PBX3: variants seen among roughly 807,000 people sequenced by gnomAD.
PBX3 encodes the protein PBX homeobox 3.
A neutral mutation model predicts 48.5 loss-of-function variants in PBX3; 14 were observed. The observed-to-expected ratio is 0.29, with a 90% CI of 0.19 to 0.45. The LOEUF is 0.45. Among genes scored for constraint, PBX3 ranks in the 20% least tolerant of loss-of-function variants. The pLI is 1.00. For synonymous variants in PBX3, 210 were observed against 200.3 expected (o/e 1.05, Z -0.41); for missense variants, 386 against 546.7 (o/e 0.71, Z 2.93).
intron 5 of PBX3, among the ~76,000 whole-genome samples, chr9:125,938,813 G>A (rs959187576): frequency 1.8e-4 from 27 of 152,236 alleles, no homozygotes; most frequent in African/African-American, 6.0e-4. Flanking sequence ...AGATATTATT[G>A]GGTTAAATTT....
In PBX3 at chr9:125,752,543, G is replaced by T. The variant is rs186035744; in HGVS notation, c.274+3920G>T. Among the ~76,000 whole-genome samples the T allele has an allele frequency of 2.0e-5, 3 of 152,154 alleles. No individual in the cohort carries two copies. The East Asian group carries it at 5.8e-4, about 29-fold the overall frequency. ...ATCTTTATTGCTAGAAGTGTGACTA[G>T]CTTTCAAAGAGACAAGGCAGTACTG... On this transcript the variant is annotated intron_variant, in intron 2 of 8. Coordinates refer to ENST00000373489, the MANE Select transcript of PBX3 (RefSeq NM_006195.6).
chr9:125,873,264 T>C (rs563091601), intron 2 of PBX3, among the ~76,000 whole-genome samples: 2 of 152,100 alleles, frequency 1.3e-5, no homozygotes, highest in African/African-American at 4.8e-5. Context: ...TGGGGAGATT[T>C]ATCATATCCC....
chr9:125,861,282 A>G (rs10986991), intron 2 of PBX3, among the ~76,000 whole-genome samples: 8,966 of 152,072 alleles, frequency 0.059, 602 homozygotes, highest in East Asian at 0.17. Context: ...CTGGGTGATA[A>G]AGTGAGACCC....
chr9:125,772,237 A>T (rs1836959155), intron 2 of PBX3, among the ~76,000 whole-genome samples: 2 of 150,564 alleles, frequency 1.3e-5, no homozygotes, highest in Admixed American at 6.7e-5. Context: ...CTTGTTATAC[A>T]AAACAAAAAT....
intron 2 of PBX3, among the ~76,000 whole-genome samples, chr9:125,800,396 A>G (rs1028094832): frequency 1.3e-5 from 2 of 152,246 alleles, no homozygotes; most frequent in South Asian, 2.1e-4. Context: ...GAGTTCTTAC[A>G]CTGTAATGTT....
At chr9:125,803,145 G>A (rs1838018454) in intron 2 of PBX3, among the ~76,000 whole-genome samples, 1 of 144,386 alleles carries the variant, frequency 6.9e-6, no homozygotes, top group Non-Finnish European at 1.5e-5. Context: ...CCAGGCTGGA[G>A]TGCAGTGGTG....
intron 2 of PBX3, among the ~76,000 whole-genome samples, chr9:125,885,022 C>G (rs1167031229): frequency 1.3e-5 from 2 of 152,202 alleles, no homozygotes; most frequent in Non-Finnish European, 2.9e-5. Flanking sequence ...CAGGGCACAA[C>G]AAGAAGTTGG....
In PBX3 at chr9:125,758,527, C is replaced by T. The variant is rs528943057; in HGVS notation, c.274+9904C>T. Among the ~76,000 whole-genome samples the T allele has an allele frequency of 2.6e-5, 4 of 152,038 alleles. No individual in the cohort carries two copies. The South Asian group carries it at 8.3e-4, about 32-fold the overall frequency. On this transcript the variant is annotated intron_variant, in intron 2 of 8. Transcript: ENST00000373489. ...ATAATTTCAGAAATATAAACATTTT[C>T]CAATATAAAAAAGTAGCTGTCAACC... is the stretch of plus-strand genomic sequence containing the variant.
In PBX3 at chr9:125,966,724, G is replaced by A. The variant is rs1356357130; in HGVS notation, c.*801G>A. ...TCTCTGGAGTGTTGTATATAGTGTAGCAAAAGAGTATTTATACATCCCACC... is the reference window on the plus strand; with the variant it reads ...TCTCTGGAGTGTTGTATATAGTGTAACAAAAGAGTATTTATACATCCCACC... On this transcript the variant is annotated 3_prime_UTR_variant, in exon 9 of 9. Transcript: ENST00000373489. The A allele has an allele frequency of 6.6e-6, 1 of 152,610 alleles. No individual in the cohort carries two copies. 9.5% of individuals were successfully genotyped at this position (152,610 alleles called of 1,614,324 possible). A position where few individuals can be genotyped will look rare whatever the true frequency, so the allele number is the denominator to read the frequency against.
At chr9:125,786,727 AT>A (rs34887904) in intron 2 of PBX3, among the ~76,000 whole-genome samples, 428 of 143,368 alleles carry the variant, frequency 3.0e-3, no homozygotes, top group Middle Eastern at 7.2e-3. Flanking sequence ...GTATGTAGAG[AT>A]TTTTTTTTTT....
intron 2 of PBX3, among the ~76,000 whole-genome samples, chr9:125,780,409 G>A (rs1484964344): frequency 1.8e-4 from 14 of 76,516 alleles, no homozygotes; most frequent in South Asian, 1.3e-3. Flanking sequence ...GGCCGGGCGG[G>A]GGGCTGACCC....
At chr9:125,946,534 C>T (rs1842067242) in intron 5 of PBX3, among the ~76,000 whole-genome samples, 1 of 151,658 alleles carries the variant, frequency 6.6e-6, no homozygotes, top group South Asian at 2.1e-4. Flanking sequence ...AATTGGAAAC[C>T]ATAAAAAAAG....
At chr9:125,815,628 C>T (rs969840191) in intron 2 of PBX3, among the ~76,000 whole-genome samples, 1 of 152,104 alleles carries the variant, frequency 6.6e-6, no homozygotes, top group African/African-American at 2.4e-5. Context: ...GATATTACCT[C>T]TTAATTATTT....
chr9:125,861,235 C>T (rs1483401279), intron 2 of PBX3, among the ~76,000 whole-genome samples: 1 of 151,614 alleles, frequency 6.6e-6, no homozygotes, highest in African/African-American at 2.4e-5. Context: ...GTTGAGGCTG[C>T]AAGCAGTGAG....
Position 125,780,804 on chromosome 9 carries a change from C to T in PBX3, c.274+32181C>T, listed in dbSNP as rs1474920560. Among the ~76,000 whole-genome samples, 12 of 143,360 alleles carry T rather than the reference C, an allele frequency of 8.4e-5. No individual in the cohort carries two copies. The East Asian group carries it at 1.1e-3, about 13-fold the overall frequency. The allele number at this position is 143,360 out of a possible 152,430, so 94.0% of individuals were successfully genotyped here. A position where few individuals can be genotyped will look rare whatever the true frequency, so the allele number is the denominator to read the frequency against. ...CCCCCCACCTCCCTCCCGGACGGGGCGGCTGCCGGGCGGAGACGCTCCTCA... is the reference window on the plus strand; with the variant it reads ...CCCCCCACCTCCCTCCCGGACGGGGTGGCTGCCGGGCGGAGACGCTCCTCA... On this transcript the variant is annotated intron_variant, in intron 2 of 8. Coordinates refer to ENST00000373489, the MANE Select transcript of PBX3 (RefSeq NM_006195.6).
chr9:125,956,620 C>A (rs542612747), intron 5 of PBX3, among the ~76,000 whole-genome samples: 36 of 152,320 alleles, frequency 2.4e-4, no homozygotes, highest in Non-Finnish European at 3.7e-4. Context: ...GAGGCTTGGT[C>A]TGGTGGCTGA....
intron 2 of PBX3, among the ~76,000 whole-genome samples, chr9:125,780,073 C>A (rs1387754309): frequency 5.9e-5 from 8 of 134,552 alleles, no homozygotes; most frequent in African/African-American, 2.0e-4. Flanking sequence ...GCTGACCCCC[C>A]CACCTCCCTC....
intron 5 of PBX3, among the ~76,000 whole-genome samples, chr9:125,951,337 T>C (rs1314428506): frequency 6.6e-6 from 1 of 152,120 alleles, no homozygotes. Context: ...GCGCTCTTGG[T>C]CTTCTGTGGT....
At chr9:125,963,708 C>CGTG (rs1340555453) in intron 8 of PBX3, among the ~76,000 whole-genome samples, 6 of 152,010 alleles carry the variant, frequency 3.9e-5, no homozygotes, top group African/African-American at 1.4e-4. Context: ...AGCAGGTCAT[C>CGTG]GTGGTGGTGC....
Sources: gnomAD v4.1 joint callset for allele counts (sites outside exome capture counted in the v4.1 genomes callset) on GRCh38, gnomAD v4.1.1 for gene constraint, MANE v1.5 for transcripts, NCBI Gene and HGNC (gene_info 2026-07-23, HGNC 2026-07-21) for gene names.